PDE4B: variants seen among roughly 807,000 people sequenced by gnomAD.
PDE4B encodes phosphodiesterase 4B, also known as 3',5'-cyclic-AMP phosphodiesterase 4B.
A neutral mutation model predicts 82.2 loss-of-function variants in PDE4B; 20 were observed. That is an observed-to-expected ratio of 0.24 (90% CI 0.17 to 0.35). PDE4B has a LOEUF of 0.35. Ranked by LOEUF, PDE4B falls within the 10% of genes least tolerant of loss-of-function variation. The probability of loss-of-function intolerance (pLI) is 1.00; values close to 1 mark genes in which losing one functional copy is unlikely to be tolerated. For missense variants in PDE4B, 655 were observed against 907.2 expected (o/e 0.72, Z 3.57); for synonymous variants, 320 against 318.9 (o/e 1.00, Z -0.04).
chr1:65,858,095 T>A (rs1646413404), intron 1 of PDE4B, among the ~76,000 whole-genome samples: 1 of 152,236 alleles, frequency 6.6e-6, no homozygotes, highest in Non-Finnish European at 1.5e-5. Flanking sequence ...AGTGGCTTAT[T>A]TCTACTGAGA....
chr1:66,227,962 T>C (rs936022040), intron 3 of PDE4B, among the ~76,000 whole-genome samples: 5 of 152,214 alleles, frequency 3.3e-5, no homozygotes, highest in Admixed American at 1.3e-4. Flanking sequence ...TCACACATGC[T>C]TTATGAAAGC....
intron 1 of PDE4B, among the ~76,000 whole-genome samples, chr1:65,905,982 ATGT>A (rs1277121162): frequency 1.3e-5 from 2 of 152,158 alleles, no homozygotes; most frequent in Non-Finnish European, 2.9e-5. Context: ...TCTTTTGTTG[ATGT>A]TGTTGTTGAG....
intron 3 of PDE4B, among the ~76,000 whole-genome samples, chr1:66,056,141 G>A (rs2100878262): frequency 6.6e-6 from 1 of 152,052 alleles, no homozygotes; most frequent in Admixed American, 6.6e-5. Context: ...TGCTTTTCAG[G>A]CTAATGGGGC....
intron 3 of PDE4B, among the ~76,000 whole-genome samples, chr1:66,100,920 G>A (rs1178372552): frequency 1.3e-5 from 2 of 152,226 alleles, no homozygotes; most frequent in African/African-American, 4.8e-5. Context: ...CCATGTTGGT[G>A]TGTTGTACCC....
In PDE4B at chr1:66,035,618, A is replaced by G. The variant is rs112081696; in HGVS notation, c.281+116783A>G. 4.1e-3 allele frequency among the ~76,000 whole-genome samples: 630 copies of G among 152,238 alleles called. 8 individuals are homozygous for G. The highest frequency in any genetic ancestry group is 0.014 in the African/African-American group (588 of 41,544). On this transcript the variant is annotated intron_variant, in intron 3 of 16. Transcript: ENST00000341517. ...TGTGTGGCTTATTTCACTTAACATA[A>G]TGTCCTCCAGGTTCATCCATGTTGT...
intron 3 of PDE4B, among the ~76,000 whole-genome samples, chr1:66,149,694 A>G (rs936238623): frequency 6.6e-6 from 1 of 152,122 alleles, no homozygotes; most frequent in African/African-American, 2.4e-5. Context: ...CTCTCCAAAA[A>G]AGTGAAAAAT....
chr1:65,978,706 T>C (rs996734337), intron 3 of PDE4B, among the ~76,000 whole-genome samples: 1 of 152,172 alleles, frequency 6.6e-6, no homozygotes, highest in Non-Finnish European at 1.5e-5. Flanking sequence ...AATTATAATG[T>C]AGTGTTTTTG....
At chr1:66,005,942 C>T (rs1168827365) in intron 3 of PDE4B, among the ~76,000 whole-genome samples, 1 of 152,148 alleles carries the variant, frequency 6.6e-6, no homozygotes, top group East Asian at 1.9e-4. Flanking sequence ...ACCTGCTCTA[C>T]CACCCTTACC....
chr1:66,326,287 G>A (rs1659746674), intron 7 of PDE4B, among the ~76,000 whole-genome samples: 1 of 152,178 alleles, frequency 6.6e-6, no homozygotes, highest in African/African-American at 2.4e-5. Flanking sequence ...AAATCAGTGA[G>A]TTCTTATAAA....
intron 3 of PDE4B, among the ~76,000 whole-genome samples, chr1:66,228,194 T>C (rs564488241): frequency 6.6e-6 from 1 of 152,294 alleles, no homozygotes; most frequent in East Asian, 1.9e-4. Flanking sequence ...ATTAAATCTC[T>C]CCTGGCACTA....
chr1:66,080,836 G>T (rs1656685292), intron 3 of PDE4B, among the ~76,000 whole-genome samples: 1 of 152,094 alleles, frequency 6.6e-6, no homozygotes. Flanking sequence ...TTTGGGGTAT[G>T]ACTGAACCAT....
At chr1:66,202,994 C>T (rs1649157102) in intron 3 of PDE4B, among the ~76,000 whole-genome samples, 1 of 152,062 alleles carries the variant, frequency 6.6e-6, no homozygotes, top group African/African-American at 2.4e-5. Context: ...ACCGGTTGTT[C>T]ATTTCCATGT....
At chr1:66,301,374 C>T in intron 7 of PDE4B, among the ~76,000 whole-genome samples, 1 of 152,034 alleles carries the variant, frequency 6.6e-6, no homozygotes, top group Non-Finnish European at 1.5e-5. Flanking sequence ...ACCGTTTTCA[C>T]TTTCATTTTG....
At chr1:66,108,013 A>G (rs1645405214) in intron 3 of PDE4B, among the ~76,000 whole-genome samples, 1 of 152,004 alleles carries the variant, frequency 6.6e-6, no homozygotes, top group Admixed American at 6.6e-5. Context: ...TATGGTACAC[A>G]GCATGATGTT....
At chr1:66,200,499 G>C (rs977988830) in intron 3 of PDE4B, among the ~76,000 whole-genome samples, 2 of 152,156 alleles carry the variant, frequency 1.3e-5, no homozygotes, top group African/African-American at 2.4e-5. Flanking sequence ...TCTTCCATTT[G>C]TTTGTATCCT....
At chr1:65,975,655 C>T (rs1301984299) in intron 3 of PDE4B, among the ~76,000 whole-genome samples, 2 of 152,158 alleles carry the variant, frequency 1.3e-5, no homozygotes, top group South Asian at 4.1e-4. Flanking sequence ...GGCCCAGGGC[C>T]CTGTTGCTGT....
chr1:66,153,663 G>T (rs567062272), intron 3 of PDE4B, among the ~76,000 whole-genome samples: 1 of 152,288 alleles, frequency 6.6e-6, no homozygotes, highest in East Asian at 1.9e-4. Context: ...AGCCCAGTGC[G>T]GAAGGCAGAT....
chr1:66,210,832 T>G (rs1411228402), intron 3 of PDE4B, among the ~76,000 whole-genome samples: 2 of 152,128 alleles, frequency 1.3e-5, no homozygotes, highest in Non-Finnish European at 2.9e-5. Flanking sequence ...GACATTAGAC[T>G]CATCGTTTCT....
intron 7 of PDE4B, among the ~76,000 whole-genome samples, chr1:66,313,719 G>A (rs1388788653): frequency 6.6e-6 from 1 of 152,216 alleles, no homozygotes; most frequent in African/African-American, 2.4e-5. Flanking sequence ...GGGGTAGAGT[G>A]ACTGGAAGAG....
Sources: allele counts gnomAD v4.1 joint callset (sites outside exome capture counted in the v4.1 genomes callset), GRCh38; gene constraint gnomAD v4.1.1; transcripts MANE v1.5; gene names NCBI Gene and HGNC (gene_info 2026-07-23, HGNC 2026-07-21).